Variants in LRP1B observed in about 807,000 individuals in gnomAD.
LRP1B encodes LDL receptor related protein 1B.
Under a neutral mutation model 556.6 loss-of-function variants are expected in LRP1B, and 217 were observed. The ratio of observed to expected loss-of-function variants is 0.39; its 90% CI spans 0.35 to 0.44. LRP1B has a LOEUF of 0.44. Among genes scored for constraint, LRP1B ranks in the 20% least tolerant of loss-of-function variants. LRP1B has a pLI of 1.00. For synonymous variants in LRP1B, 2,047 were observed against 1,865.8 expected, an observed-to-expected ratio of 1.10 and a Z score of -2.50; for missense variants, 5,053 against 5,620.8, an observed-to-expected ratio of 0.90 and a Z score of 3.23.
intron 7 of LRP1B, among the ~76,000 whole-genome samples, chr2:141,090,940 G>A (rs1279071720): frequency 6.6e-6 from 1 of 152,054 alleles, no homozygotes; most frequent in African/African-American, 2.4e-5. Flanking sequence ...ATGATAAAAG[G>A]TTGTATTTCT....
At chr2:141,523,252 C>T (rs1249359091) in intron 2 of LRP1B, among the ~76,000 whole-genome samples, 10 of 151,884 alleles carry the variant, frequency 6.6e-5, no homozygotes, top group Admixed American at 5.9e-4. Flanking sequence ...ATCTAGGGAC[C>T]CAGGACATAT....
At chr2:141,338,528 A>T (rs563303671) in intron 3 of LRP1B, among the ~76,000 whole-genome samples, 1 of 152,166 alleles carries the variant, frequency 6.6e-6, no homozygotes, top group African/African-American at 2.4e-5. Context: ...ACTTGAATAC[A>T]TCTACTCCTA....
chr2:141,813,122 TCTA>T, intron 1 of LRP1B, among the ~76,000 whole-genome samples: 1 of 152,274 alleles, frequency 6.6e-6, no homozygotes, highest in East Asian at 1.9e-4. Context: ...TTATTGAACT[TCTA>T]CTGTGTTCTA....
chr2:140,769,398 A>G, intron 34 of LRP1B, 54 bp from the exon 35 acceptor site: 2 of 1,463,446 alleles, frequency 1.4e-6, no homozygotes, highest in Non-Finnish European at 1.8e-6. Flanking sequence ...ATGAATATTT[A>G]AAATACAAAT....
At chr2:140,771,081 T>C in intron 33 of LRP1B, 75 bp from the exon 34 acceptor site, 1 of 1,087,634 alleles carries the variant, frequency 9.2e-7, no homozygotes, top group Non-Finnish European at 1.3e-6. Flanking sequence ...ACGTCAATAA[T>C]TTGACAAATA....
chr2:141,258,278 G>A (rs1470395225), intron 3 of LRP1B, among the ~76,000 whole-genome samples: 2 of 152,162 alleles, frequency 1.3e-5, no homozygotes, highest in Non-Finnish European at 2.9e-5. Flanking sequence ...AAGGTCAAGA[G>A]ATGGAGACCA....
intron 37 of LRP1B, among the ~76,000 whole-genome samples, chr2:140,709,483 G>GGAA (rs1686958751): frequency 6.6e-6 from 1 of 151,146 alleles, no homozygotes; most frequent in Admixed American, 6.6e-5. Flanking sequence ...AAGAGGAAGA[G>GGAA]GAGGAGGAGG....
chr2:141,191,311 A>T (rs569307105), intron 6 of LRP1B, among the ~76,000 whole-genome samples: 67 of 152,046 alleles, frequency 4.4e-4, no homozygotes, highest in African/African-American at 1.4e-3. Context: ...AACTTAAAAC[A>T]GGTCAAAATT....
In LRP1B at chr2:140,315,075, T is replaced by G; in HGVS notation, c.12665A>C (p.Glu4222Ala). Reference protein sequence around the residue: ...LLDDSCKLTCENGGRCILNEK... With the variant: ...LLDDSCKLTCANGGRCILNEK... ...ATTTAAAATGCATCTTCCTCCATTT[T>G]CACAAGTTAACTTACATGAATCATC... Residue 4222 changes from glutamate (E) to alanine (A), a missense_variant, in exon 83 of 91, where the codon GAA becomes GCA. Physicochemically the swap from Glu to Ala is moderately radical, Grantham distance 107. Coordinates refer to ENST00000389484, the MANE Select transcript of LRP1B (RefSeq NM_018557.3). 6.2e-7 allele frequency: 1 copy of G among 1,609,138 alleles called. No homozygotes were observed. Among genetic ancestry groups the G allele is most frequent in the Non-Finnish European group, 8.5e-7 (1 of 1,177,448 alleles).
At chr2:140,591,683 G>A (rs541106034) in intron 43 of LRP1B, among the ~76,000 whole-genome samples, 9 of 152,168 alleles carry the variant, frequency 5.9e-5, no homozygotes, top group African/African-American at 1.7e-4. Context: ...TCTGTACAAC[G>A]ACTTGTCTGA....
chr2:141,865,591 CA>C (rs78227528), intron 1 of LRP1B, among the ~76,000 whole-genome samples: 241 of 43,314 alleles, frequency 5.6e-3, no homozygotes, highest in African/African-American at 9.3e-3. Context: ...GACTCCGTCT[CA>C]AAAAAAAAAA....
At chr2:140,536,518 C>T in intron 46 of LRP1B, 63 bp downstream of exon 46, 3 of 1,538,090 alleles carry the variant, frequency 2.0e-6, no homozygotes, top group South Asian at 1.2e-5. Flanking sequence ...GACAAGCAAA[C>T]CAAAAACTGT....
chr2:142,009,262 T>G (rs527721106), intron 1 of LRP1B, among the ~76,000 whole-genome samples: 1 of 152,238 alleles, frequency 6.6e-6, no homozygotes, highest in South Asian at 2.1e-4. Context: ...TAAGAGCAAA[T>G]GAGATGATAA....
At chr2:140,725,512 A>G (rs1687562018) in intron 35 of LRP1B, among the ~76,000 whole-genome samples, 1 of 135,120 alleles carries the variant, frequency 7.4e-6, no homozygotes, top group African/African-American at 2.7e-5. Flanking sequence ...GTTCTTGGGA[A>G]CATCACACAC....
chr2:141,315,053 C>T (rs980681918), intron 3 of LRP1B, among the ~76,000 whole-genome samples: 1 of 150,210 alleles, frequency 6.7e-6, no homozygotes, highest in Admixed American at 6.6e-5. Context: ...CAGTATCTAA[C>T]CAAACAGGTA....
chr2:140,825,547 G>A (rs993946257), intron 31 of LRP1B, among the ~76,000 whole-genome samples: 6 of 152,204 alleles, frequency 3.9e-5, no homozygotes, highest in African/African-American at 1.4e-4. Context: ...ACATTGCAAA[G>A]CCAGTATTAC....
At chr2:141,454,290 C>T (rs913173555) in intron 3 of LRP1B, among the ~76,000 whole-genome samples, 1 of 152,122 alleles carries the variant, frequency 6.6e-6, no homozygotes, top group Non-Finnish European at 1.5e-5. Flanking sequence ...TGTTCTTTTT[C>T]ATTACAGTTT....
Position 141,581,385 on chromosome 2 carries a change from A to G in LRP1B, c.206-100852T>C, listed in dbSNP as rs1030894701. Among the ~76,000 whole-genome samples, 3 of 152,174 alleles carry G rather than the reference A, an allele frequency of 2.0e-5. No homozygotes were observed. The South Asian group carries it at 6.2e-4, about 32-fold the overall frequency. On this transcript the variant is annotated intron_variant, in intron 2 of 90. Coordinates refer to ENST00000389484, the MANE Select transcript of LRP1B (RefSeq NM_018557.3). Reference sequence around the variant, plus strand: ...GACTAGTAGTTTCTTTTTCTGATACATACAGATATTGATTACATCTTTTAT... The same window carrying G: ...GACTAGTAGTTTCTTTTTCTGATACGTACAGATATTGATTACATCTTTTAT...
intron 41 of LRP1B, among the ~76,000 whole-genome samples, chr2:140,634,970 A>T (rs1172764234): frequency 6.6e-6 from 1 of 152,110 alleles, no homozygotes; most frequent in Non-Finnish European, 1.5e-5. Flanking sequence ...ATAAAAATGT[A>T]ACAATATCAG....
Sources: gnomAD v4.1 joint callset for allele counts (sites outside exome capture counted in the v4.1 genomes callset) on GRCh38, gnomAD v4.1.1 for gene constraint, MANE v1.5 for transcripts, NCBI Gene and HGNC (gene_info 2026-07-23, HGNC 2026-07-21) for gene names.